HEATR1: variants seen among roughly 807,000 people sequenced by gnomAD.
The protein encoded by HEATR1 is HEAT repeat containing 1, also known as HEAT repeat-containing protein 1.
In HEATR1, 77 loss-of-function variants were observed where a neutral mutation model predicts 248.2. The observed-to-expected ratio is 0.31, with a 90% confidence interval of 0.26 to 0.37. HEATR1 has a LOEUF of 0.37. HEATR1 is among the 10% of genes least tolerant of loss of function. HEATR1 has a pLI of 1.00. For missense variants in HEATR1, 2,420 were observed against 2,504.9 expected (o/e 0.97, Z 0.72); for synonymous variants, 897 against 923.1 (o/e 0.97, Z 0.51).
At position 236,576,819 on chromosome 1, in the gene HEATR1, T is replaced by TC; in HGVS notation, c.2885_2886insG (p.Ala963SerfsTer20). On this transcript the variant is annotated frameshift_variant, in exon 21 of 45. Coordinates refer to ENST00000366582, the MANE Select transcript of HEATR1 (RefSeq NM_018072.6). LOFTEE classifies it high-confidence loss of function. ...CAGCATCTGAAGTGATCTCCTCTGCTTTAGAAATCAAATGATCTATTATCA... is the reference window on the plus strand; with the variant it reads ...CAGCATCTGAAGTGATCTCCTCTGCTCTTAGAAATCAAATGATCTATTATCA... 1 of 1,613,990 alleles carries TC rather than the reference T, an allele frequency of 6.2e-7. No homozygotes were observed. Among genetic ancestry groups the TC allele is most frequent in the Non-Finnish European group, 8.5e-7 (1 of 1,179,952 alleles).
At chr1:236,582,928 C>A in intron 18 of HEATR1, 56 bp from the exon 19 acceptor site, 2 of 1,606,750 alleles carry the variant, frequency 1.2e-6, no homozygotes, top group Non-Finnish European at 1.7e-6. Flanking sequence ...ATGCTGGGAG[C>A]TTTTTATTCA....
intron 23 of HEATR1, 102 bp from the exon 24 acceptor site, chr1:236,574,435 CTTAATT>C: frequency 5.0e-6 from 7 of 1,397,316 alleles, no homozygotes; most frequent in African/African-American, 1.5e-5. Context: ...TTGTTTCCCA[CTTAATT>C]TTGTCAGTTA....
chr1:236,603,897 G>GT, intron 2 of HEATR1, 57 bp downstream of exon 2: 1 of 1,529,714 alleles, frequency 6.5e-7, no homozygotes, highest in African/African-American at 1.4e-5. Context: ...AAAAAAAACA[G>GT]TAACATCCAG....
In HEATR1 at chr1:236,599,516, T is replaced by C. The variant is rs780629286; in HGVS notation, c.468A>G (p.Ser156=). Residue 156 remains serine (S), a synonymous_variant, in exon 4 of 45, where the codon TCA becomes TCG. Coordinates refer to ENST00000366582, the MANE Select transcript of HEATR1 (RefSeq NM_018072.6). ...RVIQLLKINN[S]KHRWFWLLPV... The stretch of plus-strand genomic sequence containing the variant: ...GCAACAACCAGAACCATCTGTGCTT[T>C]GAATTATTAATTTTTAGAAGCTGTA... 6.2e-7 allele frequency: 1 copy of C among 1,613,868 alleles called. No homozygotes were observed. Among genetic ancestry groups the C allele is most frequent in the Non-Finnish European group, 8.5e-7 (1 of 1,179,854 alleles).
intron 15 of HEATR1, 109 bp from the exon 16 acceptor site, chr1:236,586,050 A>AT: frequency 7.2e-7 from 1 of 1,398,126 alleles, no homozygotes; most frequent in Non-Finnish European, 9.8e-7. Context: ...TTTGCTTTCT[A>AT]TTTTTCCTTG....
At chr1:236,568,044 C>T (rs16833930) in intron 29 of HEATR1, among the ~76,000 whole-genome samples, 4,634 of 152,344 alleles carry the variant, frequency 0.03, 76 homozygotes, top group Middle Eastern at 0.054. Flanking sequence ...CTCTGCTCTC[C>T]ATCAATCAAT....
chr1:236,566,076 T>C, intron 30 of HEATR1, 31 bp from the exon 31 acceptor site: 1 of 1,602,968 alleles, frequency 6.2e-7, no homozygotes, highest in Non-Finnish European at 8.5e-7. Flanking sequence ...GTAACAAATC[T>C]GTACTTAGGA....
chr1:236,573,033 G>C (rs1663470571), intron 24 of HEATR1, among the ~76,000 whole-genome samples: 1 of 152,136 alleles, frequency 6.6e-6, no homozygotes, highest in African/African-American at 2.4e-5. Context: ...GCAAAGTAGG[G>C]AAGAGTATAC....
intron 8 of HEATR1, among the ~76,000 whole-genome samples, chr1:236,594,784 A>G (rs993468681): frequency 7.9e-5 from 12 of 152,100 alleles, no homozygotes; most frequent in Non-Finnish European, 1.8e-4. Context: ...CATAATGCAA[A>G]TAATCACTTT....
At chr1:236,554,818 C>T (rs906057084) in intron 41 of HEATR1, 66 bp from the exon 42 acceptor site, 6 of 1,330,878 alleles carry the variant, frequency 4.5e-6, no homozygotes, top group East Asian at 2.3e-5. Flanking sequence ...CCAATGTTTA[C>T]ATTGAAATCA....
rs1394048020 is a variant in HEATR1, at chr1:236,592,522, C to T, written c.1304+1G>A. On this transcript the variant is annotated splice_donor_variant, in intron 10 of 44. Transcript: ENST00000366582. LOFTEE classifies it high-confidence loss of function. ...AGCATAAACATACACACGTAACTTA[C>T]TTGCTTTCTAAAAGCCTAATGAGTG... 1.6e-6 allele frequency: 2 copies of T among 1,233,556 alleles called. No individual in the cohort carries two copies. The highest frequency in any genetic ancestry group is 1.2e-5 in the South Asian group (1 of 80,496). 76.4% of individuals were successfully genotyped at this position (1,233,556 alleles called of 1,614,324 possible).
chr1:236,556,289 C>T (rs1363456439), intron 37 of HEATR1, 31 bp from the exon 38 acceptor site: 6 of 1,609,412 alleles, frequency 3.7e-6, no homozygotes, highest in Non-Finnish European at 3.4e-6. Flanking sequence ...TGATCAGGGC[C>T]ACTGCAGATC....
chr1:236,602,255 A>C (rs918870183), intron 3 of HEATR1, among the ~76,000 whole-genome samples: 1 of 152,246 alleles, frequency 6.6e-6, no homozygotes, highest in Non-Finnish European at 1.5e-5. Context: ...AAAGCAGATA[A>C]AAGATCAGAC....
Position 236,550,916 on chromosome 1 carries a change from G to A in HEATR1, c.6421C>T (p.Gln2141Ter), listed in dbSNP as rs771410489. The A allele has an allele frequency of 1.2e-6, 2 of 1,605,856 alleles. No individual in the cohort carries two copies. The highest frequency in any genetic ancestry group is 1.7e-6 in the Non-Finnish European group (2 of 1,176,962). Residue 2141 changes from glutamine (Q) to a stop codon, truncating the protein, a stop_gained, in exon 45 of 45, where the codon CAG (glutamine) becomes TAG (stop). Transcript: ENST00000366582. LOFTEE classifies it high-confidence loss of function. ...QLETVLGEPL[Q>*]SYF ...CACAGAAAGTCTTAGAAATAGCTCT[G>A]GAGTGGCTCTCCCAGGACAGTTTCC... is the stretch of plus-strand genomic sequence containing the variant.
intron 17 of HEATR1, among the ~76,000 whole-genome samples, chr1:236,584,287 T>G (rs939361213): frequency 6.6e-6 from 1 of 152,096 alleles, no homozygotes; most frequent in Non-Finnish European, 1.5e-5. Context: ...ACCAAGAAAC[T>G]AAAAGTTAAG....
At chr1:236,593,947 A>C (rs1664108797) in intron 9 of HEATR1, 65 bp downstream of exon 9, 1 of 1,080,418 alleles carries the variant, frequency 9.3e-7, no homozygotes. Context: ...ATTTCTAACC[A>C]ATCTTGAAAA....
In HEATR1 at chr1:236,604,012, A is replaced by T; in HGVS notation, c.84T>A (p.Ser28=). 1 of 1,598,110 alleles carries T rather than the reference A, an allele frequency of 6.3e-7. No homozygotes were observed. The highest frequency in any genetic ancestry group is 8.5e-7 in the Non-Finnish European group (1 of 1,174,468). ...CCGCTTCCTTAGGGTCAAATAACAA[A>T]GAAGCAACTTCATCTCTAGATAAGA... The part of the protein sequence containing the change: ...ASLLSRDEVA[S]LLFDPKEAAT... Residue 28 remains serine, a synonymous_variant, in exon 2 of 45, where the codon TCT becomes TCA. Coordinates refer to ENST00000366582, the MANE Select transcript of HEATR1 (RefSeq NM_018072.6).
At position 236,587,939 on chromosome 1, in the gene HEATR1, T is replaced by C; in HGVS notation, c.1626+9A>G. ...ATTGTATACCTCAACAAATGACAAA[T>C]TCACTCACCTCAAAAGCACTTATAG... On this transcript the variant is annotated intron_variant, in intron 13 of 44. Coordinates refer to ENST00000366582, the MANE Select transcript of HEATR1 (RefSeq NM_018072.6). The C allele has an allele frequency of 6.3e-7, 1 of 1,592,982 alleles. No individual in the cohort carries two copies. Among genetic ancestry groups the C allele is most frequent in the Non-Finnish European group, 8.6e-7 (1 of 1,164,614 alleles).
In HEATR1 at chr1:236,552,074, G is replaced by C. The variant is rs367618061; in HGVS notation, c.6271C>G (p.Leu2091Val). 6.2e-7 allele frequency: 1 copy of C among 1,613,264 alleles called. No individual in the cohort carries two copies. Among genetic ancestry groups the C allele is most frequent in the African/African-American group, 1.3e-5 (1 of 75,026 alleles). ...TAATTCTCCTTTAGTTTTTCAGCCA[G>C]TGCTAACACAGTAATCAAAGCAGCA... Reference protein sequence around the residue: ...RFAALITVLALAEKLKENYIV... With the variant: ...RFAALITVLAVAEKLKENYIV... Residue 2091 changes from leucine to valine, a missense_variant, in exon 44 of 45, where the codon CTG becomes GTG. Coordinates refer to ENST00000366582, the MANE Select transcript of HEATR1 (RefSeq NM_018072.6).
Sources: allele counts gnomAD v4.1 joint callset (sites outside exome capture counted in the v4.1 genomes callset), GRCh38; gene constraint gnomAD v4.1.1; transcripts MANE v1.5; gene names NCBI Gene and HGNC (gene_info 2026-07-23, HGNC 2026-07-21).